Variants in MAD1L1 observed in about 807,000 individuals in gnomAD.
MAD1L1 encodes the protein mitotic arrest deficient 1 like 1.
In MAD1L1, 95 loss-of-function variants were observed where a neutral mutation model predicts 96.9. That is an observed-to-expected ratio of 0.98 (90% CI 0.83 to 1.16). The LOEUF is 1.16. MAD1L1 is among the 50% of genes most tolerant of loss of function. The pLI is 0.00. For missense variants in MAD1L1, 1,007 were observed against 954.4 expected (o/e 1.06, Z -0.73); for synonymous variants, 473 against 396.6 (o/e 1.19, Z -2.29).
At chr7:1,999,539 A>T (rs546457417) in intron 14 of MAD1L1, among the ~76,000 whole-genome samples, 7 of 151,888 alleles carry the variant, frequency 4.6e-5, no homozygotes, top group African/African-American at 1.7e-4. Flanking sequence ...TACACCACAA[A>T]CCTCAGCGGG....
intron 18 of MAD1L1, chr7:1,829,350 C>T (rs1057501958): frequency 6.6e-6 from 1 of 152,416 alleles, no homozygotes; most frequent in African/African-American, 2.4e-5. Flanking sequence ...CTCTGACCCG[C>T]CAGCTGCCAT....
intron 12 of MAD1L1, among the ~76,000 whole-genome samples, chr7:2,052,091 G>A (rs1223324856): frequency 6.6e-6 from 1 of 152,142 alleles, no homozygotes; most frequent in Non-Finnish European, 1.5e-5. Context: ...GGAGCCCCCG[G>A]CAGGCCAAGA....
chr7:1,966,841 G>A (rs1780190941), intron 15 of MAD1L1, among the ~76,000 whole-genome samples: 1 of 152,262 alleles, frequency 6.6e-6, no homozygotes, highest in Non-Finnish European at 1.5e-5. Flanking sequence ...CGCGCTGCGT[G>A]CGCAGGGCAG....
chr7:2,059,903 G>A (rs1013375577), intron 12 of MAD1L1, among the ~76,000 whole-genome samples: 18 of 152,150 alleles, frequency 1.2e-4, no homozygotes, highest in African/African-American at 3.9e-4. Flanking sequence ...TGCGTCGAAT[G>A]TTCAAATACG....
rs115858263 is a variant in MAD1L1, at chr7:1,825,817, G to A, written c.1999-9589C>T. On this transcript the variant is annotated intron_variant, in intron 18 of 18. Transcript: ENST00000265854. ...GCTCTCATCCCAGCAGGTGCTGCTG[G>A]GGGTTAGAGGTCAGCACAGTCCCAG... 5.5e-3 allele frequency among the ~76,000 whole-genome samples: 842 copies of A among 152,268 alleles called. 9 individuals carry two copies. The highest frequency in any genetic ancestry group is 0.019 in the African/African-American group (798 of 41,566).
intron 18 of MAD1L1, among the ~76,000 whole-genome samples, chr7:1,824,756 T>C (rs576196189): frequency 1.3e-5 from 2 of 152,304 alleles, no homozygotes; most frequent in Non-Finnish European, 2.9e-5. Context: ...GGGAGATTTT[T>C]TTTTGTCTTG....
At chr7:1,989,155 T>C (rs1459789720) in intron 14 of MAD1L1, among the ~76,000 whole-genome samples, 1 of 152,188 alleles carries the variant, frequency 6.6e-6, no homozygotes, top group Non-Finnish European at 1.5e-5. Context: ...TCAGGACCAC[T>C]GGCCTCAGGG....
intron 12 of MAD1L1, among the ~76,000 whole-genome samples, chr7:2,063,129 G>A (rs148585357): frequency 3.9e-5 from 6 of 152,342 alleles, no homozygotes; most frequent in Admixed American, 2.0e-4. Flanking sequence ...ACTGAGACAC[G>A]GGAACTTGCT....
At chr7:1,844,556 G>A (rs1783482950) in intron 18 of MAD1L1, among the ~76,000 whole-genome samples, 1 of 152,180 alleles carries the variant, frequency 6.6e-6, no homozygotes, top group African/African-American at 2.4e-5. Context: ...AGGGGACGCA[G>A]CTTGGGACGG....
intron 18 of MAD1L1, among the ~76,000 whole-genome samples, chr7:1,841,222 A>G (rs867972355): frequency 1.3e-4 from 19 of 151,978 alleles, no homozygotes; most frequent in Admixed American, 6.5e-4. Context: ...GGTTAAAAAT[A>G]TCCCCGTAAG....
intron 17 of MAD1L1, among the ~76,000 whole-genome samples, chr7:1,906,745 G>A (rs764910603): frequency 6.6e-5 from 10 of 152,222 alleles, no homozygotes; most frequent in Non-Finnish European, 1.3e-4. Context: ...AGTGCGCGAC[G>A]GGTGCGTGTT....
intron 12 of MAD1L1, among the ~76,000 whole-genome samples, chr7:2,017,071 G>A (rs1370140742): frequency 6.6e-6 from 1 of 152,254 alleles, no homozygotes; most frequent in Non-Finnish European, 1.5e-5. Context: ...GCTAGCACTG[G>A]CTGGCACAGA....
intron 18 of MAD1L1, among the ~76,000 whole-genome samples, chr7:1,818,545 A>AT (rs1206411942): frequency 6.6e-6 from 1 of 151,952 alleles, no homozygotes; most frequent in East Asian, 1.9e-4. Context: ...CACCTGGCTA[A>AT]TTTTTAAATT....
At chr7:2,168,894 G>A (rs1034065997) in intron 10 of MAD1L1, among the ~76,000 whole-genome samples, 1 of 152,188 alleles carries the variant, frequency 6.6e-6, no homozygotes, top group Admixed American at 6.5e-5. Context: ...GGCTGAAGCG[G>A]GAGGAACACG....
At chr7:2,162,691 C>A in intron 10 of MAD1L1, among the ~76,000 whole-genome samples, 1 of 138,780 alleles carries the variant, frequency 7.2e-6, no homozygotes, top group South Asian at 2.3e-4. Context: ...ATAAAGTTAT[C>A]TATAATCCAC....
chr7:1,855,425 G>A (rs776578120), intron 18 of MAD1L1, among the ~76,000 whole-genome samples: 5 of 152,062 alleles, frequency 3.3e-5, no homozygotes, highest in South Asian at 4.2e-4. Context: ...CTCTGTGCCC[G>A]CATCTGACTA....
rs117371386 is a variant in MAD1L1 at position 2,118,559 on chromosome 7, T to C, written c.1073+30593A>G. Among the ~76,000 whole-genome samples, 25 of 152,324 alleles carry C rather than the reference T, an allele frequency of 1.6e-4. No individual in the cohort carries two copies. The East Asian group carries it at 3.9e-3, about 24-fold the overall frequency. The stretch of plus-strand genomic sequence containing the variant: ...TACTCAACACACTGGGCCAGCATTT[T>C]CTCCCCAGCAAGCACTATCAAGGCT... On this transcript the variant is annotated intron_variant, in intron 11 of 18. Transcript: ENST00000265854.
chr7:2,086,791 T>C (rs886550721), intron 11 of MAD1L1, among the ~76,000 whole-genome samples: 8 of 152,124 alleles, frequency 5.3e-5, no homozygotes, highest in East Asian at 1.9e-4. Flanking sequence ...TTGACCTCAG[T>C]TGATCCACCT....
chr7:1,860,243 T>G (rs541975714), intron 18 of MAD1L1, among the ~76,000 whole-genome samples: 32 of 138,126 alleles, frequency 2.3e-4, no homozygotes, highest in African/African-American at 7.3e-4. Context: ...CATGACATCC[T>G]GCGGGGCGGC....
Sources: allele counts gnomAD v4.1 joint callset (sites outside exome capture counted in the v4.1 genomes callset), GRCh38; gene constraint gnomAD v4.1.1; transcripts MANE v1.5; gene names NCBI Gene and HGNC (gene_info 2026-07-23, HGNC 2026-07-21).